TRPM4: variants seen among roughly 807,000 people sequenced by gnomAD.
TRPM4 encodes the protein transient receptor potential cation channel subfamily M member 4.
A neutral mutation model predicts 135.6 loss-of-function variants in TRPM4; 124 were observed. That is an observed-to-expected ratio of 0.91 (90% CI 0.79 to 1.06). TRPM4 has a LOEUF of 1.06. TRPM4 is among the 50% of genes least tolerant of loss of function. The pLI is 0.00. For missense variants in TRPM4, 1,658 were observed against 1,671.4 expected (o/e 0.99, Z 0.14); for synonymous variants, 745 against 705.6 (o/e 1.06, Z -0.88).
In TRPM4 at chr19:49,189,066, C is replaced by T. The variant is rs1968311382; in HGVS notation, c.1994C>T (p.Ala665Val). Residue 665 changes from alanine to valine, a missense_variant, in exon 14 of 25, where the codon GCC (alanine) becomes GTC (valine). Coordinates refer to ENST00000252826, the MANE Select transcript of TRPM4 (RefSeq NM_017636.4). ...LQLAMQADAR[A>V]FFAQDGVQSL... is the part of the protein sequence containing the mutation. ...CTGGCCATGCAAGCTGACGCCCGTG[C>T]CTTCTTTGCCCAGGATGGGGTACAG... is the stretch of plus-strand genomic sequence containing the variant. The T allele has an allele frequency of 1.2e-6, 2 of 1,614,058 alleles. No homozygotes were observed. The highest frequency in any genetic ancestry group is 2.2e-5 in the South Asian group (2 of 91,092).
intron 10 of TRPM4, among the ~76,000 whole-genome samples, chr19:49,182,150 ATTCATCTGT>A (rs1967970546): frequency 1.4e-5 from 2 of 148,124 alleles, no homozygotes; most frequent in African/African-American, 5.0e-5. Context: ...CCATCCATCC[ATTCATCTGT>A]CCATCCATCC....
chr19:49,174,318 G>A (rs564960952), intron 9 of TRPM4, among the ~76,000 whole-genome samples: 1 of 152,124 alleles, frequency 6.6e-6, no homozygotes, highest in African/African-American at 2.4e-5. Context: ...ATGCCCGGCT[G>A]ATTTTTGTAT....
intron 9 of TRPM4, among the ~76,000 whole-genome samples, chr19:49,174,630 C>T (rs527446045): frequency 7.3e-5 from 11 of 151,540 alleles, no homozygotes; most frequent in East Asian, 2.0e-4. Flanking sequence ...GGGAGGGTGG[C>T]GCATACCTGT....
intron 16 of TRPM4, among the ~76,000 whole-genome samples, chr19:49,194,318 G>A (rs79043137): frequency 0.018 from 2,714 of 152,114 alleles, 85 homozygotes; most frequent in African/African-American, 0.061. Flanking sequence ...GCAGTGGCGC[G>A]ATCATGGCTT....
chr19:49,182,947 G>A (rs1024225281), intron 11 of TRPM4, 25 bp downstream of exon 11: 6 of 1,577,948 alleles, frequency 3.8e-6, no homozygotes, highest in South Asian at 3.5e-5. Flanking sequence ...AAGCTGGGGG[G>A]CCCCCCCGCG....
rs1456730755 is a variant in TRPM4, at chr19:49,211,355, C to T, written c.3640+86C>T. The T allele has an allele frequency of 7.0e-6, 11 of 1,572,070 alleles. No homozygotes were observed. In the East Asian group the frequency reaches 2.0e-4, roughly 29 times the overall value. ...TTCTCTCTCGGCACCTTTCCAGTGTCCCTGGGTCACTCTCTTGGTCTCCTT... is the reference window on the plus strand; with the variant it reads ...TTCTCTCTCGGCACCTTTCCAGTGTTCCTGGGTCACTCTCTTGGTCTCCTT... On this transcript the variant is annotated intron_variant, in intron 24 of 24. Coordinates refer to ENST00000252826, the MANE Select transcript of TRPM4 (RefSeq NM_017636.4). The surrounding 1 kb of genome is among the most constrained non-coding windows in gnomAD (Gnocchi z 4.8).
chr19:49,190,807 G>C lies in TRPM4; in HGVS notation c.2210+34G>C, dbSNP rs776638224. 3 of 1,602,982 alleles carry C rather than the reference G, an allele frequency of 1.9e-6. No individual in the cohort carries two copies. In the South Asian group the frequency reaches 3.3e-5, roughly 18 times the overall value. ...AGCCTCCAGCACTGTGTGAGGTGGG[G>C]ACACCCTGGGCAGTTCAGGACATGT... On this transcript the variant is annotated intron_variant, in intron 16 of 24. Coordinates refer to ENST00000252826, the MANE Select transcript of TRPM4 (RefSeq NM_017636.4).
rs144979398 is a variant in TRPM4, at chr19:49,204,061, A to G, written c.3131+1920A>G. Among the ~76,000 whole-genome samples the G allele has an allele frequency of 9.7e-3, 1,482 of 152,332 alleles. 27 individuals are homozygous for G. Among genetic ancestry groups the G allele is most frequent in the African/African-American group, 0.034 (1,403 of 41,572 alleles). On this transcript the variant is annotated intron_variant, in intron 20 of 24. Transcript: ENST00000252826. ...CTTGAACCCAGGAGGCGGAGGCTAC[A>G]GTGAGCCAAGATCGTGCCACTGCAC...
In TRPM4 at chr19:49,182,760, C is replaced by T; in HGVS notation, c.1446C>T (p.His482=). The stretch of plus-strand genomic sequence containing the variant: ...GCAACCTTTTGGACCAGGCGTCCCA[C>T]AGCGCAGGCACCAAAGCCCCAGCCC... ...LIRNLLDQAS[H]SAGTKAPALK... is the part of the protein sequence containing the mutation. Residue 482 remains histidine (H), a synonymous_variant, in exon 11 of 25, where the codon CAC becomes CAT. Transcript: ENST00000252826. 6.2e-7 allele frequency: 1 copy of T among 1,614,064 alleles called. No homozygotes were observed. Among genetic ancestry groups the T allele is most frequent in the Non-Finnish European group, 8.5e-7 (1 of 1,179,948 alleles).
chr19:49,202,765 A>G (rs1968982376), intron 20 of TRPM4, among the ~76,000 whole-genome samples: 1 of 151,998 alleles, frequency 6.6e-6, no homozygotes, highest in Non-Finnish European at 1.5e-5. Context: ...CTTGACCTCA[A>G]GTGATTGGCC....
intron 20 of TRPM4, among the ~76,000 whole-genome samples, chr19:49,206,413 G>T (rs994275129): frequency 5.3e-5 from 8 of 150,206 alleles, no homozygotes; most frequent in Admixed American, 3.3e-4. Context: ...CAAAAAGGTT[G>T]TTGGAATTTT....
Position 49,200,722 on chromosome 19 carries a change from C to G in TRPM4, c.2890C>G (p.Arg964Gly). 1 of 1,614,080 alleles carries G rather than the reference C, an allele frequency of 6.2e-7. No homozygotes were observed. The highest frequency in any genetic ancestry group is 8.5e-7 in the Non-Finnish European group (1 of 1,180,010). Residue 964 changes from arginine to glycine, a missense_variant, in exon 19 of 25, where the codon CGC becomes GGC. This residue lies in a region of TRPM4 where 1,412 missense variants were observed against 1,408.7 expected (regional missense o/e 1.00). Coordinates refer to ENST00000252826, the MANE Select transcript of TRPM4 (RefSeq NM_017636.4). ...GGACAGTGACTTCCCAAGTATCCTGCGCCGCGTCTTCTACCGTCCCTACCT... is the reference window on the plus strand; with the variant it reads ...GGACAGTGACTTCCCAAGTATCCTGGGCCGCGTCTTCTACCGTCCCTACCT... The part of the protein sequence containing the change: ...PRDSDFPSIL[R>G]RVFYRPYLQI...
chr19:49,200,632 C>T lies in TRPM4; in HGVS notation c.2800C>T (p.Leu934Phe). Reference sequence around the variant, plus strand: ...ACAGATGAAGGACGTGTTCTTCTTCCTCTTCTTCCTCGGCGTGTGGCTGGT... The same window carrying T: ...ACAGATGAAGGACGTGTTCTTCTTCTTCTTCTTCCTCGGCGTGTGGCTGGT... ...SKMMKDVFFF[L>F]FFLGVWLVAY... is the part of the protein sequence containing the mutation. Residue 934 changes from leucine to phenylalanine, a missense_variant, in exon 19 of 25, where the codon CTC (leucine) becomes TTC (phenylalanine). Coordinates refer to ENST00000252826, the MANE Select transcript of TRPM4 (RefSeq NM_017636.4). 7 of 1,613,618 alleles carry T rather than the reference C, an allele frequency of 4.3e-6. No individual in the cohort carries two copies. Among genetic ancestry groups the T allele is most frequent in the Non-Finnish European group, 4.2e-6 (5 of 1,179,978 alleles).
chr19:49,196,212 G>A (rs1812114892), intron 16 of TRPM4, among the ~76,000 whole-genome samples: 1 of 152,152 alleles, frequency 6.6e-6, no homozygotes, highest in African/African-American at 2.4e-5. Context: ...ATGTTGGCCA[G>A]GCTGGTCTCC....
chr19:49,172,528 T>C (rs1967504035), intron 9 of TRPM4, among the ~76,000 whole-genome samples: 1 of 151,070 alleles, frequency 6.6e-6, no homozygotes, highest in Admixed American at 6.6e-5. Flanking sequence ...ACACATCCAC[T>C]GACAATTCCA....
intron 3 of TRPM4, among the ~76,000 whole-genome samples, chr19:49,166,888 C>T (rs1967209522): frequency 1.4e-5 from 2 of 145,880 alleles, no homozygotes; most frequent in Non-Finnish European, 3.1e-5. Flanking sequence ...GGGTCTCTGT[C>T]CCCATCTCTC....
chr19:49,163,356 C>T (rs577343680), intron 2 of TRPM4, among the ~76,000 whole-genome samples: 87 of 149,904 alleles, frequency 5.8e-4, no homozygotes, highest in African/African-American at 1.7e-3. Context: ...CCACCATGCC[C>T]GGCTAATTTT....
At position 49,196,483 on chromosome 19, in the gene TRPM4, C is replaced by T. The variant is rs769917929; in HGVS notation, c.2254C>T (p.Gln752Ter). Residue 752 changes from glutamine (Q) to a stop codon, truncating the protein, a stop_gained, in exon 17 of 25, where the codon CAG (glutamine) becomes TAG (stop). Coordinates refer to ENST00000252826, the MANE Select transcript of TRPM4 (RefSeq NM_017636.4). LOFTEE classifies it high-confidence loss of function. ...GAAGACGCCGCTGGGGGTCCCGCGCCAGTCGGGCCGTCCGGGTTGCTGCGG... is the reference window on the plus strand; with the variant it reads ...GAAGACGCCGCTGGGGGTCCCGCGCTAGTCGGGCCGTCCGGGTTGCTGCGG... ...AEKTPLGVPRQSGRPGCCGGR... is the reference protein window; with the variant it reads ...AEKTPLGVPR 3.7e-4 allele frequency: 576 copies of T among 1,555,324 alleles called. 5 individuals are homozygous for T. Among genetic ancestry groups the T allele is most frequent in the Non-Finnish European group, 1.0e-4 (121 of 1,153,796 alleles).
chr19:49,192,344 C>T (rs961209720), intron 16 of TRPM4, among the ~76,000 whole-genome samples: 2 of 152,066 alleles, frequency 1.3e-5, no homozygotes, highest in South Asian at 2.1e-4. Flanking sequence ...GGGGTTTCAC[C>T]ATGTTGGCCA....
Sources: gnomAD v4.1 joint callset for allele counts (sites outside exome capture counted in the v4.1 genomes callset) on GRCh38, gnomAD v4.1.1 for gene constraint, gnomAD v4.1.1 regional missense constraint, Gnocchi (gnomAD v3.1) non-coding constraint, MANE v1.5 for transcripts, NCBI Gene and HGNC (gene_info 2026-07-23, HGNC 2026-07-21) for gene names.